Variants in C2 observed in about 807,000 individuals in gnomAD.
C2 encodes the protein complement C2.
A neutral mutation model predicts 85.2 loss-of-function variants in C2; 64 were observed. The ratio of observed to expected loss-of-function variants is 0.75; its 90% CI spans 0.61 to 0.92. The LOEUF (loss-of-function observed/expected upper bound fraction) is 0.92, where lower values mean the gene tolerates loss of function less well. C2 is among the 40% of genes least tolerant of loss of function. C2 has a pLI of 0.00. For synonymous variants in C2, 311 were observed against 370.8 expected (o/e 0.84, Z 1.85); for missense variants, 820 against 971.6 (o/e 0.84, Z 2.07).
At chr6:31,924,916 C>G (rs139907827), upstream of C2, among the ~76,000 whole-genome samples, 128 of 152,248 alleles carry the variant, frequency 8.4e-4, 2 homozygotes, top group East Asian at 0.023. Flanking sequence ...CTGGGCTGAC[C>G]TTGTGATTTG....
In C2 at chr6:31,939,129, A is replaced by G. The variant is rs181298336; in HGVS notation, c.1130-102A>G. The G allele has an allele frequency of 6.0e-6, 5 of 827,114 alleles. No individual in the cohort carries two copies. In the East Asian group the frequency reaches 7.2e-5, roughly 12 times the overall value. The allele number at this position is 827,114 out of a possible 1,614,324, so 51.2% of individuals were successfully genotyped here. On this transcript the variant is annotated intron_variant, in intron 8 of 17. Transcript: ENST00000299367. ...GTATATTTTGAAGCTCTCACAGGCA[A>G]TGTAAATGTTGAGGTTCCCAGGCTA...
At chr6:31,936,133 TG>T in intron 7 of C2, 72 bp downstream of exon 7, 2 of 1,546,306 alleles carry the variant, frequency 1.3e-6, no homozygotes, top group Non-Finnish European at 1.8e-6. Context: ...AAACAAATTC[TG>T]GATGAGTTAA....
upstream of C2, chr6:31,900,460 G>T (rs768390998): frequency 1.3e-6 from 2 of 1,587,918 alleles, no homozygotes; most frequent in East Asian, 2.3e-5. This position sits in a 1 kb window ranked among gnomAD's most constrained non-coding sequence, Gnocchi z 9.7. Context: ...CCCGGCCTCC[G>T]GGAATCAACA....
intron 1 of C2, chr6:31,902,007 C>A: frequency 6.8e-6 from 1 of 148,004 alleles, no homozygotes; most frequent in Non-Finnish European, 1.5e-5. Context: ...GGGGGAGGGG[C>A]GGGGGCGGCT....
At chr6:31,901,135 G>A (rs760109860) in exon 1 of C2, 2 of 1,613,956 alleles carry the variant, frequency 1.2e-6, no homozygotes, top group South Asian at 2.2e-5. Context: ...GGTCCCGCAG[G>A]AAGGGTGAGC....
At chr6:31,927,518 T>G, upstream of C2, 3 of 1,444,182 alleles carry the variant, frequency 2.1e-6, no homozygotes, top group Non-Finnish European at 2.7e-6. This position sits in a 1 kb window ranked among gnomAD's most constrained non-coding sequence, Gnocchi z 4.7. Context: ...GGAGATCTAT[T>G]GACCCTATAG....
upstream of C2, among the ~76,000 whole-genome samples, chr6:31,899,229 CTTTCT>C (rs1425011409): frequency 3.4e-5 from 5 of 146,516 alleles, no homozygotes; most frequent in African/African-American, 4.9e-5. Flanking sequence ...TTCTTGTGTT[CTTTCT>C]TTTCTAAGTG....
chr6:31,910,084 T>C (rs1767992618), intron 1 of C2, among the ~76,000 whole-genome samples: 1 of 151,248 alleles, frequency 6.6e-6, no homozygotes, highest in Non-Finnish European at 1.5e-5. Flanking sequence ...TTTCACCATA[T>C]TGGCCAGGCT....
intron 1 of C2, among the ~76,000 whole-genome samples, chr6:31,905,253 GC>G: frequency 6.6e-6 from 1 of 152,010 alleles, no homozygotes. Flanking sequence ...GGGCAACATA[GC>G]AAGACCCCAT....
rs1486393739 is a variant in C2 at position 31,944,512 on chromosome 6, G to C, written c.1903-215G>C. 1.3e-5 allele frequency among the ~76,000 whole-genome samples: 2 copies of C among 152,188 alleles called. No homozygotes were observed. Among genetic ancestry groups the C allele is most frequent in the Non-Finnish European group, 2.9e-5 (2 of 68,042 alleles). ...TTCTCCTACTTCAGCCTCCCGAGTA[G>C]CTGAGATTACAGGTGCCCACCACCA... On this transcript the variant is annotated intron_variant, in intron 15 of 17. Transcript: ENST00000299367. The surrounding 1 kb of genome is among the most constrained non-coding windows in gnomAD (Gnocchi z 5.1).
At chr6:31,923,741 G>A (rs1239343600), upstream of C2, among the ~76,000 whole-genome samples, 1 of 150,836 alleles carries the variant, frequency 6.6e-6, no homozygotes. Context: ...CGCCCGCCTC[G>A]GCCTCCCAAA....
In C2 at chr6:31,945,407, A is replaced by G. The variant is rs1446918921; in HGVS notation, c.*50A>G. ...CCCTGCCAGAATCTGCCGCCCCTCCATCTTCTACCTCTGAATGGCCACCCT... is the reference window on the plus strand; with the variant it reads ...CCCTGCCAGAATCTGCCGCCCCTCCGTCTTCTACCTCTGAATGGCCACCCT... On this transcript the variant is annotated 3_prime_UTR_variant, in exon 18 of 18. Transcript: ENST00000299367. The surrounding 1 kb of genome is among the most constrained non-coding windows in gnomAD (Gnocchi z 5.3). 3.9e-6 allele frequency: 6 copies of G among 1,546,986 alleles called. No homozygotes were observed. In the South Asian group the frequency reaches 5.6e-5, roughly 14 times the overall value.
intron 1 of C2, among the ~76,000 whole-genome samples, chr6:31,902,682 C>A (rs989325724): frequency 3.9e-5 from 6 of 152,220 alleles, no homozygotes; most frequent in Admixed American, 2.6e-4. Context: ...TATGATTTCA[C>A]TTTCCACAAA....
chr6:31,940,764 A>C lies in C2; in HGVS notation c.1219+1444A>C, dbSNP rs142405837. ...AACATTTTATTGAAAATAAGCAGGA[A>C]ACCAAACGAAAATAGTCAAAGAAAA... On this transcript the variant is annotated intron_variant, in intron 9 of 17. Transcript: ENST00000299367. Among the ~76,000 whole-genome samples, 112 of 152,344 alleles carry C rather than the reference A, an allele frequency of 7.4e-4. No homozygotes were observed. In the Middle Eastern group the frequency reaches 0.014, roughly 19 times the overall value.
At chr6:31,927,333 T>G, upstream of C2, 1 of 280,214 alleles carries the variant, frequency 3.6e-6, no homozygotes, top group Non-Finnish European at 6.4e-6. This position sits in a 1 kb window ranked among gnomAD's most constrained non-coding sequence, Gnocchi z 4.7. Context: ...ATATCTTGGA[T>G]GGTTTGTGGG....
chr6:31,897,817 T>C (rs1766794412), upstream of C2: 1 of 1,015,322 alleles, frequency 9.8e-7, no homozygotes, highest in Non-Finnish European at 1.2e-6. Flanking sequence ...CGGAGATGGC[T>C]GTGACTGTCC....
upstream of C2, chr6:31,900,360 T>G: frequency 6.3e-7 from 1 of 1,589,142 alleles, no homozygotes; most frequent in Non-Finnish European, 8.6e-7. This position sits in a 1 kb window ranked among gnomAD's most constrained non-coding sequence, Gnocchi z 9.7. Context: ...GGTCCCCGGC[T>G]GCCCCCCGCC....
At chr6:31,900,034 G>A (rs750624235), upstream of C2, 20 of 1,612,188 alleles carry the variant, frequency 1.2e-5, no homozygotes, top group African/African-American at 2.7e-4. The surrounding 1 kb of genome is among the most constrained non-coding windows in gnomAD (Gnocchi z 9.7). Context: ...GCTTGTGGGC[G>A]AAGCGCACGT....
rs778931589 is a variant in C2 at position 31,927,794 on chromosome 6, C to T, written c.42C>T (p.Tyr14=). The change falls in exon 1 of 18, where the codon TAC becomes TAT. Residue 14 remains tyrosine (Y), a synonymous_variant. Transcript: ENST00000299367. This position sits in a 1 kb window ranked among gnomAD's most constrained non-coding sequence, Gnocchi z 4.7. ...TTCTTTTTTGCCTGCTGTTCCTGTA[C>T]CCAGGTAGGAGGCAGGGAAGGGGGA... The part of the protein sequence containing the change: ...LMVLFCLLFL[Y]PGLADSAPSC... The T allele has an allele frequency of 3.7e-6, 6 of 1,613,772 alleles. No homozygotes were observed. The highest frequency in any genetic ancestry group is 5.1e-6 in the Non-Finnish European group (6 of 1,179,886).
Sources: allele counts gnomAD v4.1 joint callset (sites outside exome capture counted in the v4.1 genomes callset), GRCh38; gene constraint gnomAD v4.1.1; non-coding constraint Gnocchi (gnomAD v3.1); transcripts MANE v1.5; gene names NCBI Gene and HGNC (gene_info 2026-07-23, HGNC 2026-07-21).